UBE2W: variants seen among roughly 807,000 people sequenced by gnomAD.
UBE2W encodes ubiquitin conjugating enzyme E2 W.
UBE2W carries 18 observed loss-of-function variants against 27.2 expected under a neutral mutation model. That is an observed-to-expected ratio of 0.66 (90% CI 0.46 to 0.98). The LOEUF (loss-of-function observed/expected upper bound fraction) is 0.98, where lower values mean the gene tolerates loss of function less well. Among genes scored for constraint, UBE2W ranks in the 50% least tolerant of loss-of-function variants. The pLI is 0.00. For missense variants in UBE2W, 90 were observed against 180.2 expected, an observed-to-expected ratio of 0.50 and a Z score of 2.87; for synonymous variants, 53 against 57.2, an observed-to-expected ratio of 0.93 and a Z score of 0.33.
At chr8:73,824,583 G>A (rs555388472) in intron 3 of UBE2W, among the ~76,000 whole-genome samples, 9 of 152,314 alleles carry the variant, frequency 5.9e-5, no homozygotes, top group Admixed American at 1.3e-4. Flanking sequence ...ACAAGGGACC[G>A]GTGTGATGGA....
rs559230538 is a variant in UBE2W at position 73,803,912 on chromosome 8, G to A, written c.442+1739C>T. Among the ~76,000 whole-genome samples the A allele has an allele frequency of 1.3e-4, 19 of 151,678 alleles. 1 individual carries two copies. In the South Asian group the frequency reaches 3.7e-3, roughly 30 times the overall value. ...CTCCCGAGTAACTGGGACTACAGGC[G>A]CCTGCCACCACGCCCGGCTAATTTT... On this transcript the variant is annotated intron_variant, in intron 5 of 5. Transcript: ENST00000602593.
intron 5 of UBE2W, chr8:73,796,773 T>A: frequency 2.7e-5 from 12 of 450,618 alleles, no homozygotes; most frequent in Non-Finnish European, 3.5e-5. Context: ...TTTTTCTAAA[T>A]AGGATGGCCA....
intron 1 of UBE2W, among the ~76,000 whole-genome samples, chr8:73,862,764 G>A (rs77826359): frequency 0.07 from 8,012 of 115,064 alleles, 258 homozygotes; most frequent in Middle Eastern, 0.14. Flanking sequence ...AAAAGTGGGC[G>A]AAGGACATGA....
At chr8:73,875,877 C>G (rs1041593424) in intron 1 of UBE2W, among the ~76,000 whole-genome samples, 3 of 152,072 alleles carry the variant, frequency 2.0e-5, no homozygotes, top group Admixed American at 2.0e-4. Context: ...TGGCAAAACC[C>G]AGTCTCCACT....
At chr8:73,811,761 A>AT (rs1267168479) in intron 3 of UBE2W, among the ~76,000 whole-genome samples, 1 of 152,148 alleles carries the variant, frequency 6.6e-6, no homozygotes, top group Non-Finnish European at 1.5e-5. Flanking sequence ...GTACAACAGA[A>AT]TATCAGTAAG....
intron 5 of UBE2W, among the ~76,000 whole-genome samples, chr8:73,802,223 G>T (rs140645256): frequency 6.6e-6 from 1 of 152,016 alleles, no homozygotes; most frequent in African/African-American, 2.4e-5. Flanking sequence ...GCTACATACC[G>T]CCAGCAAGTA....
intron 1 of UBE2W, among the ~76,000 whole-genome samples, chr8:73,846,047 G>A (rs1246504231): frequency 1.3e-5 from 2 of 152,198 alleles, no homozygotes; most frequent in African/African-American, 2.4e-5. Context: ...CTTAAAGTGT[G>A]TACATCTAAA....
Position 73,791,813 on chromosome 8 carries a change from TTTTCCTCTAC to T in UBE2W, c.*2279_*2288del. ...CATAAGATGTACCGAAATTATTTCA[TTTTCCTCTAC>T]TTTCCTCTGTGTCATTTTAGTTTAC... On this transcript the variant is annotated 3_prime_UTR_variant, in exon 6 of 6. Coordinates refer to ENST00000602593, the MANE Select transcript of UBE2W (RefSeq NM_018299.6). The T allele has an allele frequency of 1.0e-6, 1 of 984,718 alleles. No homozygotes were observed. 61.0% of individuals were successfully genotyped at this position (984,718 alleles called of 1,614,324 possible). A position where few individuals can be genotyped will look rare whatever the true frequency, so the allele number is the denominator to read the frequency against.
chr8:73,849,677 A>G (rs951990528), intron 1 of UBE2W, among the ~76,000 whole-genome samples: 3 of 151,978 alleles, frequency 2.0e-5, no homozygotes, highest in African/African-American at 4.8e-5. Flanking sequence ...GAAAGAAATA[A>G]ATCCTATTAT....
chr8:73,854,775 G>C (rs541271494), intron 1 of UBE2W, among the ~76,000 whole-genome samples: 1 of 152,106 alleles, frequency 6.6e-6, no homozygotes, highest in Non-Finnish European at 1.5e-5. Context: ...TGTAACTTCC[G>C]ACTCCCCCAA....
chr8:73,786,814 GGA>G lies in UBE2W; in HGVS notation c.*7286_*7287del. The G allele has an allele frequency of 1.0e-6, 1 of 985,352 alleles. No individual in the cohort carries two copies. Among genetic ancestry groups the G allele is most frequent in the Non-Finnish European group, 1.2e-6 (1 of 829,904 alleles). The allele number at this position is 985,352 out of a possible 1,614,324, so 61.0% of individuals were successfully genotyped here. On this transcript the variant is annotated 3_prime_UTR_variant, in exon 6 of 6. Coordinates refer to ENST00000602593, the MANE Select transcript of UBE2W (RefSeq NM_018299.6). Reference sequence around the variant, plus strand: ...ACTCAACAGGACTTGAAAAATGCAAGGAGAGGACTACTGAGTATCATTGCTTG... The same window carrying G: ...ACTCAACAGGACTTGAAAAATGCAAGGAGGACTACTGAGTATCATTGCTTG...
downstream of UBE2W, among the ~76,000 whole-genome samples, chr8:73,782,809 A>G (rs1443915862): frequency 2.0e-5 from 3 of 152,224 alleles, no homozygotes; most frequent in Non-Finnish European, 4.4e-5. Flanking sequence ...GCTGATTTGT[A>G]TAGTAGGTAT....
At position 73,805,463 on chromosome 8, in the gene UBE2W, A is replaced by AC. The variant is rs1554579953; in HGVS notation, c.442+187_442+188insG. ...GAGCAAAACTCCATCTCAAAAAAAA[A>AC]AAAAAAAACAAAAAAAACTAGGGTA... On this transcript the variant is annotated intron_variant, in intron 5 of 5. Transcript: ENST00000602593. Among the ~76,000 whole-genome samples, 8 of 129,436 alleles carry AC rather than the reference A, an allele frequency of 6.2e-5. 1 individual carries two copies. The highest frequency in any genetic ancestry group is 1.0e-4 in the Non-Finnish European group (6 of 59,098). The allele number at this position is 129,436 out of a possible 152,430, so 84.9% of individuals were successfully genotyped here. A position where few individuals can be genotyped will look rare whatever the true frequency, so the allele number is the denominator to read the frequency against.
At chr8:73,811,631 C>A (rs17316127) in intron 3 of UBE2W, among the ~76,000 whole-genome samples, 6,601 of 152,196 alleles carry the variant, frequency 0.043, 180 homozygotes, top group Non-Finnish European at 0.059. Context: ...AAGTGTCCTG[C>A]TTTCACAGAT....
chr8:73,872,371 C>A (rs1385002116), intron 1 of UBE2W, among the ~76,000 whole-genome samples: 2 of 152,046 alleles, frequency 1.3e-5, no homozygotes, highest in Non-Finnish European at 2.9e-5. Flanking sequence ...AGGTTCAGTA[C>A]CTATAAAGGA....
chr8:73,836,327 G>A (rs1444831823), intron 1 of UBE2W, among the ~76,000 whole-genome samples: 1 of 152,204 alleles, frequency 6.6e-6, no homozygotes, highest in Non-Finnish European at 1.5e-5. Flanking sequence ...AATAGTGAGA[G>A]AGAAGGGCCA....
chr8:73,824,584 G>A (rs938343782), intron 3 of UBE2W, among the ~76,000 whole-genome samples: 2 of 152,188 alleles, frequency 1.3e-5, no homozygotes, highest in Non-Finnish European at 2.9e-5. Flanking sequence ...CAAGGGACCG[G>A]TGTGATGGAA....
intron 1 of UBE2W, among the ~76,000 whole-genome samples, chr8:73,850,739 A>C (rs953298057): frequency 1.1e-4 from 16 of 150,662 alleles, no homozygotes. Flanking sequence ...AAAAAAAAAA[A>C]AAAAAAAAAA....
chr8:73,842,927 CA>C (rs1409488401), intron 1 of UBE2W, among the ~76,000 whole-genome samples: 1 of 152,054 alleles, frequency 6.6e-6, no homozygotes, highest in African/African-American at 2.4e-5. Context: ...AAAAACAACC[CA>C]AATGCCCACT....
Sources: allele counts gnomAD v4.1 joint callset (sites outside exome capture counted in the v4.1 genomes callset), GRCh38; gene constraint gnomAD v4.1.1; transcripts MANE v1.5; gene names NCBI Gene and HGNC (gene_info 2026-07-23, HGNC 2026-07-21).